The following ANAPC7 variants were observed in gnomAD, a reference collection of about 807,000 sequenced individuals.
ANAPC7 encodes anaphase-promoting complex subunit 7.
ANAPC7 carries 25 observed loss-of-function variants against 63.3 expected under a neutral mutation model. The ratio of observed to expected loss-of-function variants is 0.39; its 90% CI spans 0.29 to 0.55. The LOEUF (loss-of-function observed/expected upper bound fraction) is 0.55. Ranked by LOEUF, ANAPC7 falls within the 20% of genes least tolerant of loss-of-function variation. ANAPC7 has a pLI of 0.57. For synonymous variants in ANAPC7, 241 were observed against 251.7 expected, an observed-to-expected ratio of 0.96 and a Z score of 0.40; for missense variants, 516 against 691.7, an observed-to-expected ratio of 0.75 and a Z score of 2.85.
At chr12:110,388,687 G>T in intron 3 of ANAPC7, 64 bp from the exon 4 acceptor site, 2 of 1,228,162 alleles carry the variant, frequency 1.6e-6, no homozygotes, top group Admixed American at 1.9e-5. Context: ...CTCTCACCAT[G>T]AAAAAGTCCT....
chr12:110,382,449 A>T (rs1881950056), intron 7 of ANAPC7, among the ~76,000 whole-genome samples: 6 of 57,228 alleles, frequency 1.0e-4, no homozygotes, highest in African/African-American at 5.2e-4. Context: ...TTTAAAAAAA[A>T]AAAAAAAAAA....
intron 1 of ANAPC7, among the ~76,000 whole-genome samples, chr12:110,402,544 C>T (rs927575627): frequency 1.3e-5 from 2 of 151,874 alleles, no homozygotes; most frequent in South Asian, 2.1e-4. Flanking sequence ...CTGTGTTAGC[C>T]AGGATGATCT....
rs190404812 is a variant in ANAPC7, at chr12:110,373,856, T to C, written c.*288A>G. The C allele has an allele frequency of 2.5e-4, 81 of 324,268 alleles. No individual in the cohort carries two copies. The highest frequency in any genetic ancestry group is 3.7e-4 in the Non-Finnish European group (67 of 179,628). The allele number at this position is 324,268 out of a possible 1,614,324, so 20.1% of individuals were successfully genotyped here. ...AGCTTTTGGATTTAGAAATTAGTTA[T>C]ATAAAAAGTACTCTTGGCCCAGAAG... On this transcript the variant is annotated 3_prime_UTR_variant, in exon 11 of 11. Transcript: ENST00000455511.
chr12:110,384,150 C>T (rs1462714533), intron 6 of ANAPC7, among the ~76,000 whole-genome samples: 1 of 151,684 alleles, frequency 6.6e-6, no homozygotes, highest in Non-Finnish European at 1.5e-5. Context: ...TGCAGTGAGC[C>T]GAGATTGCAC....
In ANAPC7 at chr12:110,403,693, G is replaced by A. The variant is rs916669792; in HGVS notation, c.-66C>T. On this transcript the variant is annotated 5_prime_UTR_variant, in exon 1 of 11. Transcript: ENST00000455511. ...TCGAAAAGCCGGTAGAGGATCCTTA[G>A]GGAAGACTCCAAAATGGCGGCGTCG... The A allele has an allele frequency of 1.9e-6, 3 of 1,552,910 alleles. No individual in the cohort carries two copies. Among genetic ancestry groups the A allele is most frequent in the East Asian group, 2.4e-5 (1 of 41,098 alleles).
chr12:110,376,933 C>A (rs1457058207), intron 9 of ANAPC7, among the ~76,000 whole-genome samples: 83 of 150,882 alleles, frequency 5.5e-4, no homozygotes, highest in Non-Finnish European at 1.0e-3. Context: ...CCGGCCTGGC[C>A]AATATGGTGA....
At chr12:110,374,569 A>C (rs946222834) in intron 10 of ANAPC7, among the ~76,000 whole-genome samples, 2 of 152,156 alleles carry the variant, frequency 1.3e-5, no homozygotes, top group Non-Finnish European at 2.9e-5. Flanking sequence ...TTTTCTCCAC[A>C]AATTTCTTAA....
intron 1 of ANAPC7, among the ~76,000 whole-genome samples, chr12:110,396,999 C>T (rs1051049839): frequency 3.3e-5 from 5 of 150,824 alleles, no homozygotes; most frequent in Non-Finnish European, 5.9e-5. Flanking sequence ...GTCAGGAGAT[C>T]GAGACCATCC....
chr12:110,394,068 C>A (rs893404728), intron 3 of ANAPC7, among the ~76,000 whole-genome samples: 9 of 141,006 alleles, frequency 6.4e-5, no homozygotes, highest in Non-Finnish European at 1.2e-4. Flanking sequence ...CCCAGCTACC[C>A]AGGAGGCTGA....
At chr12:110,401,477 T>C (rs2062227381) in intron 1 of ANAPC7, among the ~76,000 whole-genome samples, 1 of 152,034 alleles carries the variant, frequency 6.6e-6, no homozygotes, top group Admixed American at 6.6e-5. Flanking sequence ...CAGAGAAGGC[T>C]CTTTAGGAGA....
chr12:110,380,404 G>C (rs1470669656), intron 8 of ANAPC7, among the ~76,000 whole-genome samples: 1 of 150,492 alleles, frequency 6.6e-6, no homozygotes, highest in East Asian at 2.0e-4. Flanking sequence ...TGTAATCCCA[G>C]AACTTTGGGA....
intron 3 of ANAPC7, among the ~76,000 whole-genome samples, chr12:110,389,538 G>A (rs1225857230): frequency 1.3e-5 from 2 of 152,172 alleles, no homozygotes; most frequent in Admixed American, 6.5e-5. Context: ...TTTAAATCCA[G>A]TGAGTGCAGA....
chr12:110,382,461 A>AAAAAATATATAT (rs1555289541), intron 7 of ANAPC7, among the ~76,000 whole-genome samples: 1 of 30,856 alleles, frequency 3.2e-5, no homozygotes, highest in Non-Finnish European at 6.1e-5. Context: ...AAAAAAAAAA[A>AAAAAATATATAT]ATATATATAT....
At chr12:110,377,726 GC>G in intron 8 of ANAPC7, 109 bp from the exon 9 acceptor site, 1 of 1,537,826 alleles carries the variant, frequency 6.5e-7, no homozygotes, top group South Asian at 1.2e-5. Context: ...CAGACAAAGG[GC>G]AGGCCACGGG....
Position 110,374,316 on chromosome 12 carries a change from T to C in ANAPC7, c.1526A>G (p.Gln509Arg). 1 of 1,614,088 alleles carries C rather than the reference T, an allele frequency of 6.2e-7. No homozygotes were observed. The highest frequency in any genetic ancestry group is 8.5e-7 in the Non-Finnish European group (1 of 1,179,996). ...CTTCTGCATCCCCTCTAGAGACTTC[T>C]GGTCATTGGGGTCCAAACTAGGGGA... ...SIALSLDPND[Q>R]KSLEGMQKME... Residue 509 changes from glutamine to arginine, a missense_variant, in exon 11 of 11, where the codon CAG becomes CGG. This residue lies in a region of ANAPC7 where 122 missense variants were observed against 212.0 expected (regional missense o/e 0.58). Transcript: ENST00000455511.
rs1262573698 is a variant in ANAPC7 at position 110,376,147 on chromosome 12, A to C, written c.1427T>G (p.Val476Gly). The change falls in exon 10 of 11, where the codon GTC becomes GGC. Residue 476 changes from valine to glycine, a missense_variant. By Grantham distance (109) the Val-to-Gly change is moderately radical (BLOSUM62 -3). Around this residue, in one of 4 missense-constraint regions of ANAPC7, gnomAD observed 122 missense variants for 212.0 expected, o/e 0.58. Transcript: ENST00000455511. ...RNALANQSDC[V>G]LHRILGDFLV... ...GAAATCTCCTAGGATCCGATGCAGGACACAGTCACTCTGATTAGCCAGTGC... is the reference window on the plus strand; with the variant it reads ...GAAATCTCCTAGGATCCGATGCAGGCCACAGTCACTCTGATTAGCCAGTGC... The C allele has an allele frequency of 1.9e-6, 3 of 1,614,182 alleles. No individual in the cohort carries two copies. The highest frequency in any genetic ancestry group is 2.5e-6 in the Non-Finnish European group (3 of 1,180,034).
At chr12:110,385,088 AC>A (rs1279574893) in intron 6 of ANAPC7, among the ~76,000 whole-genome samples, 1 of 151,948 alleles carries the variant, frequency 6.6e-6, no homozygotes, top group East Asian at 1.9e-4. Flanking sequence ...ACATGGTGAA[AC>A]CCCCGTCTCT....
In ANAPC7 at chr12:110,396,397, G is replaced by A; in HGVS notation, c.157C>T (p.Leu53Phe). 1.2e-6 allele frequency: 2 copies of A among 1,613,922 alleles called. No homozygotes were observed. Among genetic ancestry groups the A allele is most frequent in the Non-Finnish European group, 1.7e-6 (2 of 1,179,932 alleles). ...YQLLVYHADSLFHDKEYRNAV... is the reference protein window; with the variant it reads ...YQLLVYHADSFFHDKEYRNAV... ...TTCCGATATTCCTTATCATGAAAGA[G>A]AGAATCTGCATGATACACCAAAAGC... Residue 53 changes from leucine to phenylalanine, a missense_variant, in exon 2 of 11, where the codon CTC becomes TTC. Leu to Phe is a conservative substitution (Grantham distance 22). Around this residue, in one of 4 missense-constraint regions of ANAPC7, gnomAD observed 185 missense variants for 200.3 expected, o/e 0.92. Transcript: ENST00000455511.
chr12:110,394,276 A>G (rs1183072663), intron 3 of ANAPC7, among the ~76,000 whole-genome samples: 1 of 152,082 alleles, frequency 6.6e-6, no homozygotes, highest in Non-Finnish European at 1.5e-5. Flanking sequence ...GGACAGTTTG[A>G]GCCCAGGAGT....
Sources: gnomAD v4.1 joint callset for allele counts (sites outside exome capture counted in the v4.1 genomes callset) on GRCh38, gnomAD v4.1.1 for gene constraint, gnomAD v4.1.1 regional missense constraint, MANE v1.5 for transcripts, NCBI Gene and HGNC (gene_info 2026-07-23, HGNC 2026-07-21) for gene names.